MEX3C: variants seen among roughly 807,000 people sequenced by gnomAD.
MEX3C encodes the protein mex-3 RNA binding family member C.
A neutral mutation model predicts 35.5 loss-of-function variants in MEX3C; 15 were observed. The observed-to-expected ratio is 0.42, with a 90% CI of 0.28 to 0.65. The LOEUF (loss-of-function observed/expected upper bound fraction) is 0.65. MEX3C is among the 30% of genes least tolerant of loss of function. The probability of loss-of-function intolerance (pLI) is 0.20; values close to 1 mark genes in which losing one functional copy is unlikely to be tolerated. For missense variants in MEX3C, 711 were observed against 842.8 expected, an observed-to-expected ratio of 0.84 and a Z score of 1.94; for synonymous variants, 390 against 352.8, an observed-to-expected ratio of 1.11 and a Z score of -1.18.
chr18:51,181,322 G>A (rs1000841503), intron 1 of MEX3C, among the ~76,000 whole-genome samples: 9 of 130,980 alleles, frequency 6.9e-5, no homozygotes, highest in Admixed American at 1.5e-4. Flanking sequence ...ACACATACAC[G>A]CATGCACACA....
intron 1 of MEX3C, among the ~76,000 whole-genome samples, chr18:51,190,199 A>G (rs1222325509): frequency 1.3e-5 from 2 of 152,208 alleles, no homozygotes; most frequent in African/African-American, 4.8e-5. Flanking sequence ...CCAAGGTCAC[A>G]GGCAGCAAGT....
chr18:51,178,312 A>C (rs1455904714), intron 1 of MEX3C, among the ~76,000 whole-genome samples: 1 of 152,158 alleles, frequency 6.6e-6, no homozygotes, highest in African/African-American at 2.4e-5. Flanking sequence ...AGTATATTTA[A>C]GTTAAAATAA....
intron 1 of MEX3C, among the ~76,000 whole-genome samples, chr18:51,181,855 T>TA (rs1357068686): frequency 6.6e-6 from 1 of 152,192 alleles, no homozygotes; most frequent in African/African-American, 2.4e-5. Context: ...TTCAAATAAA[T>TA]ATGATTAAGT....
At chr18:51,195,197 CAA>C (rs1912749911) in intron 1 of MEX3C, 2 of 152,154 alleles carry the variant, frequency 1.3e-5, no homozygotes, top group Non-Finnish European at 2.9e-5. Context: ...CCCATGTAAA[CAA>C]AAGTTTTCTC....
intron 1 of MEX3C, among the ~76,000 whole-genome samples, chr18:51,181,175 G>GTA (rs1252941046): frequency 6.6e-6 from 1 of 152,018 alleles, no homozygotes; most frequent in Non-Finnish European, 1.5e-5. Context: ...TTCAGAAGCC[G>GTA]TATTATGATA....
In MEX3C at chr18:51,176,699, C is replaced by T. The variant is rs1326862350; in HGVS notation, c.1632G>A (p.Leu544=). Residue 544 remains leucine, a synonymous_variant, in exon 2 of 2, where the codon CTG becomes CTA. Coordinates refer to ENST00000406189, the MANE Select transcript of MEX3C (RefSeq NM_016626.5). The part of the protein sequence containing the change: ...RRGSQPSTPR[L]SPTFPESIEH... The stretch of plus-strand genomic sequence containing the variant: ...CTATGCTCTCAGGAAATGTAGGAGA[C>T]AGACGAGGAGTAGATGGCTGACTTC... 1 of 1,614,026 alleles carries T rather than the reference C, an allele frequency of 6.2e-7. No homozygotes were observed. Among genetic ancestry groups the T allele is most frequent in the South Asian group, 1.1e-5 (1 of 91,082 alleles).
intron 1 of MEX3C, among the ~76,000 whole-genome samples, chr18:51,190,607 C>T (rs907592811): frequency 1.3e-5 from 2 of 152,132 alleles, no homozygotes; most frequent in Non-Finnish European, 2.9e-5. Flanking sequence ...CCGTACTTAC[C>T]GGACAAGGGC....
rs529210552 is a variant in MEX3C at position 51,197,099 on chromosome 18, T to TGCCGGG, written c.216_221dup (p.Pro73_Ala74dup). Reference sequence around the variant, plus strand: ...GCCGGGCCTGGCCCTGCGCCGCCGCTGCCGGGGCCCGAAGCGCCGGGGCGC... The same window carrying TGCCGGG: ...GCCGGGCCTGGCCCTGCGCCGCCGCTGCCGGGGCCGGGGCCCGAAGCGCCGGGGCGC... On this transcript the variant is annotated inframe_insertion, in exon 1 of 2. Transcript: ENST00000406189. The TGCCGGG allele has an allele frequency of 1.0e-3, 1,184 of 1,187,432 alleles. 48 individuals carry two copies. In the East Asian group the frequency reaches 0.035, roughly 35 times the overall value. The allele number at this position is 1,187,432 out of a possible 1,614,324, so 73.6% of individuals were successfully genotyped here.
At chr18:51,187,597 T>C (rs1446757258) in intron 1 of MEX3C, among the ~76,000 whole-genome samples, 1 of 152,048 alleles carries the variant, frequency 6.6e-6, no homozygotes, top group African/African-American at 2.4e-5. Flanking sequence ...AAACACATCA[T>C]TTTGGGAGGC....
chr18:51,182,125 TAA>T (rs1372182863), intron 1 of MEX3C, among the ~76,000 whole-genome samples: 1 of 152,258 alleles, frequency 6.6e-6, no homozygotes, highest in Non-Finnish European at 1.5e-5. Context: ...TATATTGTTA[TAA>T]GTCTTCTATT....
chr18:51,176,146 T>A lies in MEX3C; in HGVS notation c.*205A>T. ...GGGTCTACAGGATAGTACTAATAAT[T>A]CAAACCAAACTAATAGACAAGAGAC... On this transcript the variant is annotated 3_prime_UTR_variant, in exon 2 of 2. Coordinates refer to ENST00000406189, the MANE Select transcript of MEX3C (RefSeq NM_016626.5). 1 of 522,910 alleles carries A rather than the reference T, an allele frequency of 1.9e-6. No individual in the cohort carries two copies. The highest frequency in any genetic ancestry group is 3.3e-6 in the Non-Finnish European group (1 of 303,246). 32.4% of individuals were successfully genotyped at this position (522,910 alleles called of 1,614,324 possible). A position where few individuals can be genotyped will look rare whatever the true frequency, so the allele number is the denominator to read the frequency against.
In MEX3C at chr18:51,177,502, A is replaced by G; in HGVS notation, c.829T>C (p.Phe277Leu). 6.2e-7 allele frequency: 1 copy of G among 1,614,042 alleles called. No individual in the cohort carries two copies. ...KTPVRGEEPIFVVTGRKEDVA... is the reference protein window; with the variant it reads ...KTPVRGEEPILVVTGRKEDVA... ...TCTTCTTTCCTTCCAGTGACAACAA[A>G]AATGGGCTCTTCACCACGAACAGGA... Residue 277 changes from phenylalanine to leucine, a missense_variant, in exon 2 of 2, where the codon TTT (phenylalanine) becomes CTT (leucine). Transcript: ENST00000406189. The surrounding 1 kb of genome is among the most constrained non-coding windows in gnomAD (Gnocchi z 4.2).
At chr18:51,180,493 G>GT (rs200384459) in intron 1 of MEX3C, among the ~76,000 whole-genome samples, 1 of 151,694 alleles carries the variant, frequency 6.6e-6, no homozygotes, top group East Asian at 1.9e-4. Flanking sequence ...TTTTGTTGTT[G>GT]TTTTTTGAGA....
rs1233395041 is a variant in MEX3C, at chr18:51,197,629, C to T, written c.-309G>A. Among the ~76,000 whole-genome samples, 1 of 151,186 alleles carries T rather than the reference C, an allele frequency of 6.6e-6. No homozygotes were observed. Among genetic ancestry groups the T allele is most frequent in the East Asian group, 2.0e-4 (1 of 5,048 alleles). ...GTTTCTTTTGTTTCATGGCCTTAAC[C>T]AGCCCCCGGCGCGCGCGGCGGCGGC... On this transcript the variant is annotated 5_prime_UTR_variant, in exon 1 of 2. Transcript: ENST00000406189.
At position 51,197,658 on chromosome 18, in the gene MEX3C, T is replaced by C. The variant is rs1331244710; in HGVS notation, c.-338A>G. Among the ~76,000 whole-genome samples, 2 of 151,844 alleles carry C rather than the reference T, an allele frequency of 1.3e-5. No individual in the cohort carries two copies. The highest frequency in any genetic ancestry group is 1.3e-4 in the Admixed American group (2 of 15,278). Reference sequence around the variant, plus strand: ...CCCCGGCGCGCGCGGCGGCGGCGGCTACGCCCCACGCCGCTCTCCGAATGA... The same window carrying C: ...CCCCGGCGCGCGCGGCGGCGGCGGCCACGCCCCACGCCGCTCTCCGAATGA... On this transcript the variant is annotated 5_prime_UTR_variant, in exon 1 of 2. Transcript: ENST00000406189.
intron 1 of MEX3C, among the ~76,000 whole-genome samples, chr18:51,189,098 T>C (rs769485555): frequency 2.2e-4 from 33 of 152,216 alleles, no homozygotes; most frequent in Non-Finnish European, 8.8e-5. Flanking sequence ...AGATGACACA[T>C]GTAGTTTTTG....
At chr18:51,181,355 AAAC>A (rs1243854887) in intron 1 of MEX3C, among the ~76,000 whole-genome samples, 4 of 152,070 alleles carry the variant, frequency 2.6e-5, no homozygotes, top group African/African-American at 7.2e-5. Context: ...CTACAAATCA[AAAC>A]AACAAAAACC....
chr18:51,177,525 G>T lies in MEX3C; in HGVS notation c.806C>A (p.Pro269His). The change falls in exon 2 of 2, where the codon CCT (proline) becomes CAT (histidine). Residue 269 changes from proline to histidine, a missense_variant. Pro to His is a moderately conservative substitution (Grantham distance 77). Coordinates refer to ENST00000406189, the MANE Select transcript of MEX3C (RefSeq NM_016626.5). The surrounding 1 kb of genome is among the most constrained non-coding windows in gnomAD (Gnocchi z 4.2). Reference sequence around the variant, plus strand: ...AAAAATGGGCTCTTCACCACGAACAGGAGTCTTGATATACGTGTTTGTCTT... The same window carrying T: ...AAAAATGGGCTCTTCACCACGAACATGAGTCTTGATATACGTGTTTGTCTT... Reference protein sequence around the residue: ...RAKTNTYIKTPVRGEEPIFVV... With the variant: ...RAKTNTYIKTHVRGEEPIFVV... 1 of 1,613,866 alleles carries T rather than the reference G, an allele frequency of 6.2e-7. No individual in the cohort carries two copies. Among genetic ancestry groups the T allele is most frequent in the Non-Finnish European group, 8.5e-7 (1 of 1,179,842 alleles).
rs1912830111 is a variant in MEX3C, at chr18:51,197,211, C to T, written c.110G>A (p.Gly37Asp). 5 of 1,009,614 alleles carry T rather than the reference C, an allele frequency of 5.0e-6. No homozygotes were observed. Among genetic ancestry groups the T allele is most frequent in the Non-Finnish European group, 5.9e-6 (5 of 848,454 alleles). The allele number at this position is 1,009,614 out of a possible 1,614,324, so 62.5% of individuals were successfully genotyped here. A position where few individuals can be genotyped will look rare whatever the true frequency, so the allele number is the denominator to read the frequency against. Residue 37 changes from glycine (G) to aspartate (D), a missense_variant, in exon 1 of 2, where the codon GGC becomes GAC. Coordinates refer to ENST00000406189, the MANE Select transcript of MEX3C (RefSeq NM_016626.5). ...CCCGTCCCCCTCGAGCTCCGGGCCGCCCGAGGGCGGCGGCAGAGGCGGCGG... is the reference window on the plus strand; with the variant it reads ...CCCGTCCCCCTCGAGCTCCGGGCCGTCCGAGGGCGGCGGCAGAGGCGGCGG... Reference protein sequence around the residue: ...PPPPPLPPPSGGPELEGDGLL... With the variant: ...PPPPPLPPPSDGPELEGDGLL...
Sources: gnomAD v4.1 joint callset for allele counts (sites outside exome capture counted in the v4.1 genomes callset) on GRCh38, gnomAD v4.1.1 for gene constraint, Gnocchi (gnomAD v3.1) non-coding constraint, MANE v1.5 for transcripts, NCBI Gene and HGNC (gene_info 2026-07-23, HGNC 2026-07-21) for gene names.